The following NINJ2 variants were observed in gnomAD, a reference collection of about 807,000 sequenced individuals.
NINJ2 encodes the protein ninjurin 2.
NINJ2 carries 12 observed loss-of-function variants against 11.7 expected under a neutral mutation model. That is an observed-to-expected ratio of 1.02 (90% confidence interval 0.66 to 1.66). NINJ2 has a LOEUF of 1.66. Ranked by LOEUF, NINJ2 falls within the 40% of genes most tolerant of loss-of-function variation. The probability of loss-of-function intolerance (pLI) is 0.00; values close to 1 mark genes in which losing one functional copy is unlikely to be tolerated. For synonymous variants in NINJ2, 93 were observed against 76.8 expected (o/e 1.21, Z -1.10); for missense variants, 187 against 181.8 (o/e 1.03, Z -0.16).
intron 1 of NINJ2, among the ~76,000 whole-genome samples, chr12:656,483 G>A (rs1937874266): frequency 6.6e-6 from 1 of 151,932 alleles, no homozygotes; most frequent in Non-Finnish European, 1.5e-5. Flanking sequence ...AGGCATGGTG[G>A]CTCACACCTG....
At chr12:616,479 G>A (rs1948092765) in intron 1 of NINJ2, among the ~76,000 whole-genome samples, 1 of 152,230 alleles carries the variant, frequency 6.6e-6, no homozygotes, top group African/African-American at 2.4e-5. Flanking sequence ...AGAACAAAAT[G>A]TTTGGAGATG....
At position 566,420 on chromosome 12, in the gene NINJ2, C is replaced by T. The variant is rs554692816; in HGVS notation, c.34-242G>A. Among the ~76,000 whole-genome samples the T allele has an allele frequency of 8.8e-4, 134 of 152,292 alleles. 2 individuals carry two copies. The highest frequency in any genetic ancestry group is 6.6e-3 in the South Asian group (32 of 4,824). On this transcript the variant is annotated intron_variant, in intron 1 of 3. Coordinates refer to ENST00000305108, the MANE Select transcript of NINJ2 (RefSeq NM_016533.6). ...TACTTCCTGGAGAGTCACCCCTTCC[C>T]TCACACCTTCACACATCTGGCTGGA...
In NINJ2 at chr12:565,284, G is replaced by T. The variant is rs200576931; in HGVS notation, c.380C>A (p.Ala127Glu). 126 of 1,614,048 alleles carry T rather than the reference G, an allele frequency of 7.8e-5. No homozygotes were observed. The highest frequency in any genetic ancestry group is 1.1e-4 in the Non-Finnish European group (124 of 1,180,012). Residue 127 changes from alanine to glutamate, a missense_variant, in exon 3 of 4, where the codon GCA (alanine) becomes GAA (glutamate). Coordinates refer to ENST00000305108, the MANE Select transcript of NINJ2 (RefSeq NM_016533.6). Reference protein sequence around the residue: ...VINVFITAFGAHKTGFLAARA... With the variant: ...VINVFITAFGEHKTGFLAARA... ...GGCAGCCAGGAACCCTGTTTTATGTGCCCCGAAGGCTGTAATGAAAACATT... is the reference window on the plus strand; with the variant it reads ...GGCAGCCAGGAACCCTGTTTTATGTTCCCCGAAGGCTGTAATGAAAACATT...
intron 1 of NINJ2, among the ~76,000 whole-genome samples, chr12:629,690 C>G (rs541669288): frequency 1.1e-4 from 17 of 151,082 alleles, no homozygotes; most frequent in African/African-American, 3.9e-4. Flanking sequence ...GAGTTTGAGA[C>G]CAGCCTGACC....
At position 566,021 on chromosome 12, in the gene NINJ2, G is replaced by T; in HGVS notation, c.191C>A (p.Thr64Asn). 2 of 1,614,198 alleles carry T rather than the reference G, an allele frequency of 1.2e-6. No individual in the cohort carries two copies. The highest frequency in any genetic ancestry group is 1.7e-6 in the Non-Finnish European group (2 of 1,180,022). Residue 64 changes from threonine to asparagine, a missense_variant, in exon 2 of 4, where the codon ACC becomes AAC. By Grantham distance (65) the Thr-to-Asn change is moderately conservative. Transcript: ENST00000305108. The stretch of plus-strand genomic sequence containing the variant: ...GAGGCTGATGAGGGTGACCAGGGTG[G>T]TGTAGTAGTGAGAGGATGGTCCCTG... The part of the protein sequence containing the change: ...LEQGPSSHYY[T>N]TLVTLISLSL...
At chr12:650,553 G>C (rs1471537139) in intron 1 of NINJ2, among the ~76,000 whole-genome samples, 2 of 152,070 alleles carry the variant, frequency 1.3e-5, no homozygotes, top group African/African-American at 4.8e-5. Flanking sequence ...ACAAAAATTA[G>C]CCGGGCGTGG....
At chr12:620,344 C>G (rs909907522) in intron 1 of NINJ2, among the ~76,000 whole-genome samples, 1 of 148,354 alleles carries the variant, frequency 6.7e-6, no homozygotes, top group Non-Finnish European at 1.5e-5. Flanking sequence ...CCAGCGATCC[C>G]CGCTTTGCGG....
At chr12:605,714 G>A (rs1947933704) in intron 1 of NINJ2, among the ~76,000 whole-genome samples, 2 of 152,188 alleles carry the variant, frequency 1.3e-5, no homozygotes, top group South Asian at 4.1e-4. Context: ...CACATAACCT[G>A]GAAGATGAGG....
chr12:640,020 C>A lies in NINJ2; in HGVS notation c.33+23308G>T, dbSNP rs549784061. ...CCCGAATAGTGTATTGGAGATGACA[C>A]GGTGTTTAGTGCTGTTTCAGGTTAA... On this transcript the variant is annotated intron_variant, in intron 1 of 3. Coordinates refer to ENST00000305108, the MANE Select transcript of NINJ2 (RefSeq NM_016533.6). The surrounding 1 kb of genome is among the most constrained non-coding windows in gnomAD (Gnocchi z 4.0). 2.0e-5 allele frequency among the ~76,000 whole-genome samples: 3 copies of A among 152,232 alleles called. No homozygotes were observed. Among genetic ancestry groups the A allele is most frequent in the African/African-American group, 7.2e-5 (3 of 41,458 alleles).
At chr12:593,368 G>T (rs193046831) in intron 1 of NINJ2, among the ~76,000 whole-genome samples, 1 of 152,140 alleles carries the variant, frequency 6.6e-6, no homozygotes, top group Admixed American at 6.5e-5. Flanking sequence ...CAGGCAGGGC[G>T]CAGTGGCTCA....
chr12:586,595 A>C (rs1261986991), intron 1 of NINJ2: 4 of 152,356 alleles, frequency 2.6e-5, no homozygotes, highest in Non-Finnish European at 5.9e-5. Context: ...CTCAAAGTGC[A>C]TAAGCTCCCA....
chr12:606,691 T>C (rs1172940163), intron 1 of NINJ2, among the ~76,000 whole-genome samples: 2 of 152,186 alleles, frequency 1.3e-5, no homozygotes, highest in African/African-American at 4.8e-5. Context: ...CTCAACCCAC[T>C]AGCAATTGCG....
intron 1 of NINJ2, chr12:590,751 G>A (rs2120872075): frequency 6.9e-6 from 1 of 145,830 alleles, no homozygotes; most frequent in Middle Eastern, 3.5e-3. Context: ...CAGAACCCAG[G>A]ACACTAGCAC....
At chr12:599,461 G>C (rs1947836061) in intron 1 of NINJ2, among the ~76,000 whole-genome samples, 2 of 152,100 alleles carry the variant, frequency 1.3e-5, no homozygotes, top group African/African-American at 4.8e-5. Flanking sequence ...ATTTGAGGGG[G>C]TCATAGCCCC....
intron 1 of NINJ2, among the ~76,000 whole-genome samples, chr12:634,875 T>G (rs1470820945): frequency 2.6e-5 from 4 of 152,188 alleles, no homozygotes; most frequent in Non-Finnish European, 5.9e-5. Flanking sequence ...TTTGAGGGAA[T>G]GGTATAAGTA....
At chr12:568,868 G>A in intron 1 of NINJ2, among the ~76,000 whole-genome samples, 1 of 139,646 alleles carries the variant, frequency 7.2e-6, no homozygotes, top group Admixed American at 7.7e-5. Context: ...GCTTGGGGCT[G>A]TGAGGACACC....
At chr12:573,337 A>G (rs766424777) in intron 1 of NINJ2, among the ~76,000 whole-genome samples, 2 of 152,220 alleles carry the variant, frequency 1.3e-5, no homozygotes, top group African/African-American at 2.4e-5. Context: ...CAGAGCCTGT[A>G]ATTTTCACCC....
chr12:592,561 G>A (rs1352296176), intron 1 of NINJ2, among the ~76,000 whole-genome samples: 5 of 152,156 alleles, frequency 3.3e-5, no homozygotes, highest in African/African-American at 7.2e-5. Context: ...TTAGCCGGGC[G>A]AGGTGGCGCA....
intron 1 of NINJ2, among the ~76,000 whole-genome samples, chr12:610,191 G>GCA: frequency 6.6e-6 from 1 of 152,160 alleles, no homozygotes; most frequent in East Asian, 1.9e-4. Context: ...AAGTGCACAT[G>GCA]CACACACACA....
Sources: allele counts gnomAD v4.1 joint callset (sites outside exome capture counted in the v4.1 genomes callset), GRCh38; gene constraint gnomAD v4.1.1; non-coding constraint Gnocchi (gnomAD v3.1); transcripts MANE v1.5; gene names NCBI Gene and HGNC (gene_info 2026-07-23, HGNC 2026-07-21).